The following GJA1 variants were observed in gnomAD, a reference collection of about 807,000 sequenced individuals.
GJA1 encodes gap junction protein alpha 1.
In GJA1, 9 loss-of-function variants were observed where a neutral mutation model predicts 31.0. That is an observed-to-expected ratio of 0.29 (90% CI 0.17 to 0.51). The LOEUF is 0.51. GJA1 is among the 20% of genes least tolerant of loss of function. The pLI is 0.98. For synonymous variants in GJA1, 186 were observed against 180.1 expected (o/e 1.03, Z -0.26); for missense variants, 278 against 468.8 (o/e 0.59, Z 3.76).
At position 121,447,598 on chromosome 6, in the gene GJA1, A is replaced by C; in HGVS notation, c.751A>C (p.Ser251Arg). The change falls in exon 2 of 2, where the codon AGT becomes CGT. Residue 251 changes from serine to arginine, a missense_variant. Coordinates refer to ENST00000282561, the MANE Select transcript of GJA1 (RefSeq NM_000165.5). The part of the protein sequence containing the change: ...KGKSDPYHAT[S>R]GALSPAKDCG... ...AAAGAGCGACCCTTACCATGCGACC[A>C]GTGGTGCGCTGAGCCCTGCCAAAGA... is the stretch of plus-strand genomic sequence containing the variant. The C allele has an allele frequency of 6.2e-7, 1 of 1,613,790 alleles. No individual in the cohort carries two copies. Among genetic ancestry groups the C allele is most frequent in the Non-Finnish European group, 8.5e-7 (1 of 1,179,932 alleles).
intron 1 of GJA1, among the ~76,000 whole-genome samples, chr6:121,445,693 A>G (rs554269265): frequency 6.6e-6 from 1 of 152,332 alleles, no homozygotes; most frequent in South Asian, 2.1e-4. Flanking sequence ...AACTTTTTAC[A>G]TGAAGTGTGA....
rs1033997896 is a variant in GJA1, at chr6:121,435,763, C to T, written c.-86C>T. 1 of 152,224 alleles carries T rather than the reference C, an allele frequency of 6.6e-6. No individual in the cohort carries two copies. Among genetic ancestry groups the T allele is most frequent in the African/African-American group, 2.4e-5 (1 of 41,438 alleles). 9.4% of individuals were successfully genotyped at this position (152,224 alleles called of 1,614,324 possible). A position where few individuals can be genotyped will look rare whatever the true frequency, so the allele number is the denominator to read the frequency against. On this transcript the variant is annotated 5_prime_UTR_variant, in exon 1 of 2. Coordinates refer to ENST00000282561, the MANE Select transcript of GJA1 (RefSeq NM_000165.5). Reference sequence around the variant, plus strand: ...GACAGGTCTGAGTGCCTGAACTTGCCTTTTCATTTTACTTCATCCTCCAAG... The same window carrying T: ...GACAGGTCTGAGTGCCTGAACTTGCTTTTTCATTTTACTTCATCCTCCAAG...
At chr6:121,441,161 C>T (rs911943096) in intron 1 of GJA1, among the ~76,000 whole-genome samples, 1 of 152,060 alleles carries the variant, frequency 6.6e-6, no homozygotes, top group Non-Finnish European at 1.5e-5. Flanking sequence ...ACTGTGTTAG[C>T]CAGGATGGTC....
In GJA1 at chr6:121,447,298, T is replaced by G; in HGVS notation, c.451T>G (p.Leu151Val). 1 of 1,613,800 alleles carries G rather than the reference T, an allele frequency of 6.2e-7. No individual in the cohort carries two copies. Among genetic ancestry groups the G allele is most frequent in the Non-Finnish European group, 8.5e-7 (1 of 1,179,894 alleles). Reference sequence around the variant, plus strand: ...TGGTAAGGTGAAAATGCGAGGGGGGTTGCTGCGAACCTACATCATCAGTAT... The same window carrying G: ...TGGTAAGGTGAAAATGCGAGGGGGGGTGCTGCGAACCTACATCATCAGTAT... Reference protein sequence around the residue: ...EHGKVKMRGGLLRTYIISILF... With the variant: ...EHGKVKMRGGVLRTYIISILF... Residue 151 changes from leucine to valine, a missense_variant, in exon 2 of 2, where the codon TTG becomes GTG. Around this residue, in one of 3 missense-constraint regions of GJA1, gnomAD observed 80 missense variants for 163.5 expected, o/e 0.49. Coordinates refer to ENST00000282561, the MANE Select transcript of GJA1 (RefSeq NM_000165.5).
At position 121,447,755 on chromosome 6, in the gene GJA1, A is replaced by G. The variant is rs1452585874; in HGVS notation, c.908A>G (p.Lys303Arg). 1.2e-6 allele frequency: 2 copies of G among 1,614,006 alleles called. No individual in the cohort carries two copies. The highest frequency in any genetic ancestry group is 2.2e-5 in the East Asian group (1 of 44,888). ...AATTCTTCTTGCCGCAATTACAACAAGCAAGCAAGTGAGCAAAACTGGGCT... is the reference window on the plus strand; with the variant it reads ...AATTCTTCTTGCCGCAATTACAACAGGCAAGCAAGTGAGCAAAACTGGGCT... Reference protein sequence around the residue: ...RNNSSCRNYNKQASEQNWANY... With the variant: ...RNNSSCRNYNRQASEQNWANY... The change falls in exon 2 of 2, where the codon AAG (lysine) becomes AGG (arginine). Residue 303 changes from lysine to arginine, a missense_variant. Transcript: ENST00000282561.
chr6:121,442,126 A>T (rs1244623304), intron 1 of GJA1, among the ~76,000 whole-genome samples: 3 of 152,322 alleles, frequency 2.0e-5, no homozygotes, highest in South Asian at 4.1e-4. Context: ...CTTTTCTTTC[A>T]ATCATAAAAA....
At position 121,447,015 on chromosome 6, in the gene GJA1, T is replaced by C. The variant is rs768793389; in HGVS notation, c.168T>C (p.Thr56=). Residue 56 remains threonine, a synonymous_variant, in exon 2 of 2, where the codon ACT becomes ACC. Transcript: ENST00000282561. ...AGCAGTCTGCCTTTCGTTGTAACAC[T>C]CAGCAACCTGGTTGTGAAAATGTCT... ...GDEQSAFRCN[T]QQPGCENVCY... The C allele has an allele frequency of 2.5e-6, 4 of 1,613,864 alleles. No homozygotes were observed. The highest frequency in any genetic ancestry group is 3.4e-6 in the Non-Finnish European group (4 of 1,179,846).
At chr6:121,441,619 T>C (rs1459179203) in intron 1 of GJA1, among the ~76,000 whole-genome samples, 1 of 152,104 alleles carries the variant, frequency 6.6e-6, no homozygotes, top group Non-Finnish European at 1.5e-5. Flanking sequence ...TGCTATTTCA[T>C]ATTTGGTGGT....
Position 121,448,028 on chromosome 6 carries a change from A to G in GJA1, c.*32A>G. ...GCTTGAAAGCATCAAGATTCCACTCAATTGTGGAGAAGAAAAAAGGTGCTG... is the reference window on the plus strand; with the variant it reads ...GCTTGAAAGCATCAAGATTCCACTCGATTGTGGAGAAGAAAAAAGGTGCTG... On this transcript the variant is annotated 3_prime_UTR_variant, in exon 2 of 2. Coordinates refer to ENST00000282561, the MANE Select transcript of GJA1 (RefSeq NM_000165.5). 2 of 1,580,042 alleles carry G rather than the reference A, an allele frequency of 1.3e-6. No individual in the cohort carries two copies. The highest frequency in any genetic ancestry group is 2.2e-5 in the South Asian group (2 of 90,420).
In GJA1 at chr6:121,448,926, T is replaced by C. The variant is rs1773938281; in HGVS notation, c.*930T>C. On this transcript the variant is annotated 3_prime_UTR_variant, in exon 2 of 2. Transcript: ENST00000282561. ...ATAATGCACATATGGTGTTCAAATT[T>C]GAACCTTTCTCATGGATTTTTGTGG... The C allele has an allele frequency of 6.0e-6, 1 of 166,884 alleles. No homozygotes were observed. The highest frequency in any genetic ancestry group is 1.5e-5 in the Non-Finnish European group (1 of 68,120). The allele number at this position is 166,884 out of a possible 1,614,324, so 10.3% of individuals were successfully genotyped here. A position where few individuals can be genotyped will look rare whatever the true frequency, so the allele number is the denominator to read the frequency against.
chr6:121,440,645 CTT>C (rs538330262), intron 1 of GJA1, among the ~76,000 whole-genome samples: 18 of 137,330 alleles, frequency 1.3e-4, no homozygotes, highest in Non-Finnish European at 8.0e-5. Flanking sequence ...AAAAAACAAA[CTT>C]TTTTTTTTTT....
At chr6:121,440,031 G>C (rs1773740052) in intron 1 of GJA1, among the ~76,000 whole-genome samples, 2 of 152,216 alleles carry the variant, frequency 1.3e-5, no homozygotes, top group South Asian at 2.1e-4. Flanking sequence ...ATCAACTGCT[G>C]CTCTTCCCCT....
At chr6:121,441,344 C>T (rs1773778041) in intron 1 of GJA1, among the ~76,000 whole-genome samples, 2 of 152,150 alleles carry the variant, frequency 1.3e-5, no homozygotes, top group Admixed American at 6.5e-5. Context: ...CCACCTCGGC[C>T]TCCCAAAGTG....
rs1390364475 is a variant in GJA1 at position 121,447,490 on chromosome 6, G to C, written c.643G>C (p.Val215Leu). The C allele has an allele frequency of 6.2e-7, 1 of 1,613,998 alleles. No individual in the cohort carries two copies. Among genetic ancestry groups the C allele is most frequent in the Admixed American group, 1.7e-5 (1 of 60,002 alleles). Residue 215 changes from valine (V) to leucine (L), a missense_variant, in exon 2 of 2, where the codon GTG becomes CTG. By Grantham distance (32) the Val-to-Leu change is conservative. Around this residue, in one of 3 missense-constraint regions of GJA1, gnomAD observed 80 missense variants for 163.5 expected, o/e 0.49. Transcript: ENST00000282561. ...AACCATCTTCATCATCTTCATGCTG[G>C]TGGTGTCCTTGGTGTCCCTGGCCTT... ...EKTIFIIFML[V>L]VSLVSLALNI...
chr6:121,437,339 C>T (rs1003192414), intron 1 of GJA1, among the ~76,000 whole-genome samples: 4 of 151,384 alleles, frequency 2.6e-5, no homozygotes, highest in Admixed American at 6.6e-5. Flanking sequence ...ATTTCCCATC[C>T]CTCTCACACC....
At chr6:121,444,080 CT>C (rs1324101621) in intron 1 of GJA1, among the ~76,000 whole-genome samples, 3 of 150,632 alleles carry the variant, frequency 2.0e-5, no homozygotes, top group Non-Finnish European at 4.4e-5. Flanking sequence ...GTTTTTTTTT[CT>C]TTCACATTCT....
intron 1 of GJA1, among the ~76,000 whole-genome samples, chr6:121,444,994 C>T (rs1562173255): frequency 1.3e-5 from 2 of 152,146 alleles, no homozygotes; most frequent in South Asian, 4.1e-4. Context: ...AAGACTTGCC[C>T]GGGGATTGTG....
chr6:121,443,833 G>T (rs1372271671), intron 1 of GJA1, among the ~76,000 whole-genome samples: 1 of 152,146 alleles, frequency 6.6e-6, no homozygotes, highest in Non-Finnish European at 1.5e-5. Flanking sequence ...TGTATGCAAA[G>T]TTTATCTTTT....
intron 1 of GJA1, 92 bp from the exon 2 acceptor site, chr6:121,446,740 G>C (rs2114282645): frequency 1.2e-6 from 1 of 856,360 alleles, no homozygotes; most frequent in Non-Finnish European, 2.0e-6. Flanking sequence ...TGAAACCGTT[G>C]GTAGTATTTT....
Sources: allele counts gnomAD v4.1 joint callset (sites outside exome capture counted in the v4.1 genomes callset), GRCh38; gene constraint gnomAD v4.1.1; regional missense constraint gnomAD v4.1.1; transcripts MANE v1.5; gene names NCBI Gene and HGNC (gene_info 2026-07-23, HGNC 2026-07-21).